Variants in TRPM2 observed in about 807,000 individuals in gnomAD.
The protein encoded by TRPM2 is estrogen-responsive element-associated gene 1 protein.
Under a neutral mutation model 174.0 loss-of-function variants are expected in TRPM2, and 161 were observed. The observed-to-expected ratio is 0.93, with a 90% CI of 0.81 to 1.05. The LOEUF is 1.05. Ranked by LOEUF, TRPM2 falls within the 50% of genes least tolerant of loss-of-function variation. The probability of loss-of-function intolerance (pLI) is 0.00; values close to 1 mark genes in which losing one functional copy is unlikely to be tolerated. For missense variants in TRPM2, 2,057 were observed against 2,038.0 expected (o/e 1.01, Z -0.18); for synonymous variants, 954 against 861.3 (o/e 1.11, Z -1.88).
chr21:44,422,461 G>A (rs1039975083), intron 22 of TRPM2: 12 of 1,532,426 alleles, frequency 7.8e-6, no homozygotes, highest in Non-Finnish European at 1.0e-5. Flanking sequence ...AAAATGAAAT[G>A]TGGGTGAAAG....
At chr21:44,364,370 G>A in intron 3 of TRPM2, 88 bp downstream of exon 3, 3 of 1,507,150 alleles carry the variant, frequency 2.0e-6, no homozygotes, top group South Asian at 1.2e-5. Flanking sequence ...CCTGGGGCAA[G>A]AGCAGGAGGC....
rs1490782129 is a variant in TRPM2 at position 44,354,629 on chromosome 21, G to C, written c.166-19G>C. 1 of 1,606,244 alleles carries C rather than the reference G, an allele frequency of 6.2e-7. No homozygotes were observed. The highest frequency in any genetic ancestry group is 2.2e-5 in the East Asian group (1 of 44,840). ...CTTTCGAATGTTGGAAGATCTCAGT[G>C]TGCTGTCTTTACCTTCAGCAAGAAA... On this transcript the variant is annotated intron_variant, in intron 1 of 31. Coordinates refer to ENST00000397928, the MANE Select transcript of TRPM2 (RefSeq NM_003307.4). The surrounding 1 kb of genome is among the most constrained non-coding windows in gnomAD (Gnocchi z 4.3).
rs2050743441 is a variant in TRPM2, at chr21:44,425,753, A to C, written c.3721A>C (p.Asn1241His). 1 of 1,594,586 alleles carries C rather than the reference A, an allele frequency of 6.3e-7. No individual in the cohort carries two copies. Among genetic ancestry groups the C allele is most frequent in the Non-Finnish European group, 8.6e-7 (1 of 1,169,144 alleles). ...TEEPGDSYHV[N>H]ARHLLYPNCP... ...GGAGCCGGGCGACAGCTACCACGTG[A>C]ATGCCCGGCACCTCCTCTACCCCAA... The change falls in exon 25 of 32, where the codon AAT becomes CAT. Residue 1241 changes from asparagine to histidine, a missense_variant. Physicochemically the swap from Asn to His is moderately conservative, Grantham distance 68. Transcript: ENST00000397928.
At chr21:44,402,626 C>T (rs2049660767) in intron 16 of TRPM2, among the ~76,000 whole-genome samples, 1 of 152,232 alleles carries the variant, frequency 6.6e-6, no homozygotes, top group Non-Finnish European at 1.5e-5. Context: ...GACCACCTGG[C>T]ATGGCCCAGG....
rs372512035 is a variant in TRPM2 at position 44,391,418 on chromosome 21, C to T, written c.1587C>T (p.Ser529=). The change falls in exon 11 of 32, where the codon TCC becomes TCT. Residue 529 remains serine, a synonymous_variant. Transcript: ENST00000397928. The surrounding 1 kb of genome is among the most constrained non-coding windows in gnomAD (Gnocchi z 5.0). The part of the protein sequence containing the change: ...LLYLYENLDP[S]CLFHSKLQKV... The stretch of plus-strand genomic sequence containing the variant: ...ACCTGTACGAGAACCTGGACCCCTC[C>T]TGCCTGTTCCACAGCAAGCTGCAGA... 9.9e-6 allele frequency: 16 copies of T among 1,613,962 alleles called. No individual in the cohort carries two copies. In the African/African-American group the frequency reaches 1.6e-4, roughly 16 times the overall value.
At chr21:44,356,993 C>T (rs1339892760) in intron 2 of TRPM2, among the ~76,000 whole-genome samples, 1 of 152,050 alleles carries the variant, frequency 6.6e-6, no homozygotes, top group Non-Finnish European at 1.5e-5. Context: ...CTTTCGTCGC[C>T]ATCTTGGTTT....
At position 44,411,372 on chromosome 21, in the gene TRPM2, G is replaced by A. The variant is rs1400887906; in HGVS notation, c.2963-2519G>A. On this transcript the variant is annotated intron_variant, in intron 19 of 31. Coordinates refer to ENST00000397928, the MANE Select transcript of TRPM2 (RefSeq NM_003307.4). ...TGTCCAAGCTATTATAAATAGAATT[G>A]TCCTATTGATTTCATTTCAAATTGT... Among the ~76,000 whole-genome samples, 3 of 152,012 alleles carry A rather than the reference G, an allele frequency of 2.0e-5. 1 individual carries two copies. The highest frequency in any genetic ancestry group is 6.3e-3 in the Middle Eastern group (2 of 316).
chr21:44,395,629 T>G, intron 12 of TRPM2, 78 bp downstream of exon 12: 1 of 1,587,372 alleles, frequency 6.3e-7, no homozygotes, highest in Non-Finnish European at 8.6e-7. Context: ...CTGGAGAGAG[T>G]GGCTGGAGAG....
chr21:44,394,599 G>A lies in TRPM2; in HGVS notation c.1795-815G>A, dbSNP rs566784840. Among the ~76,000 whole-genome samples the A allele has an allele frequency of 4.0e-5, 6 of 151,594 alleles. 1 individual carries two copies. The highest frequency in any genetic ancestry group is 7.3e-5 in the African/African-American group (3 of 41,342). On this transcript the variant is annotated intron_variant, in intron 11 of 31. Transcript: ENST00000397928. Reference sequence around the variant, plus strand: ...CTCCCAAATTGCTGGGATTACAGGCGTGAGCCACCGTGCCAGGCCGGGTAT... The same window carrying A: ...CTCCCAAATTGCTGGGATTACAGGCATGAGCCACCGTGCCAGGCCGGGTAT...
Position 44,359,757 on chromosome 21 carries a change from A to ATAT in TRPM2, c.255-4356_255-4355insATT, listed in dbSNP as rs373833142. Among the ~76,000 whole-genome samples the ATAT allele has an allele frequency of 9.4e-3, 1,390 of 148,108 alleles. 11 individuals carry two copies. The highest frequency in any genetic ancestry group is 0.036 in the South Asian group (168 of 4,694). On this transcript the variant is annotated intron_variant, in intron 2 of 31. Transcript: ENST00000397928. ...CACATATATATGTATATATATATAT[A>ATAT]TTTTTTTTGAGACGGAGTCTTGCTC...
intron 19 of TRPM2, among the ~76,000 whole-genome samples, chr21:44,408,399 T>C (rs2049976800): frequency 6.6e-6 from 1 of 152,082 alleles, no homozygotes; most frequent in South Asian, 2.1e-4. Flanking sequence ...CGTGCTGGGC[T>C]GTTTTCCAAA....
In TRPM2 at chr21:44,390,762, G is replaced by T. The variant is rs988260777; in HGVS notation, c.1319-142G>T. On this transcript the variant is annotated intron_variant, in intron 9 of 31. Coordinates refer to ENST00000397928, the MANE Select transcript of TRPM2 (RefSeq NM_003307.4). Reference sequence around the variant, plus strand: ...TTGCAAGGCTGTGTGTATGGGAGGAGGTCACTGGGTGCTGCGCCTGTCACT... The same window carrying T: ...TTGCAAGGCTGTGTGTATGGGAGGATGTCACTGGGTGCTGCGCCTGTCACT... 2.0e-5 allele frequency: 22 copies of T among 1,078,456 alleles called. No homozygotes were observed. The Admixed American group carries it at 4.5e-4, about 22-fold the overall frequency. The allele number at this position is 1,078,456 out of a possible 1,614,324, so 66.8% of individuals were successfully genotyped here.
rs2049849614 is a variant in TRPM2 at position 44,405,803 on chromosome 21, G to A, written c.2658-102G>A. The A allele has an allele frequency of 3.0e-5, 44 of 1,446,570 alleles. No individual in the cohort carries two copies. In the South Asian group the frequency reaches 5.7e-4, roughly 19 times the overall value. 89.6% of individuals were successfully genotyped at this position (1,446,570 alleles called of 1,614,324 possible). A position where few individuals can be genotyped will look rare whatever the true frequency, so the allele number is the denominator to read the frequency against. The stretch of plus-strand genomic sequence containing the variant: ...GGCCCACCAGAGCCCTTTGCCTCCA[G>A]GGCCCACCTGGGCTAGGACAGGTGG... On this transcript the variant is annotated intron_variant, in intron 17 of 31. Transcript: ENST00000397928.
In TRPM2 at chr21:44,364,298, T is replaced by G. The variant is rs771694756; in HGVS notation, c.423+16T>G. On this transcript the variant is annotated intron_variant, in intron 3 of 31. Transcript: ENST00000397928. ...GGTGAAAAAGGTTGGTTTCCATCAC[T>G]CTCGCTCTGAACTGTAGGTGGAGCT... 6 of 1,612,874 alleles carry G rather than the reference T, an allele frequency of 3.7e-6. No homozygotes were observed. In the South Asian group the frequency reaches 4.4e-5, roughly 12 times the overall value.
At chr21:44,426,940 T>A (rs8129542) in intron 26 of TRPM2, 70 bp from the exon 27 acceptor site, 224,056 of 1,469,654 alleles carry the variant, frequency 0.15, 28,489 homozygotes, top group African/African-American at 0.67. Context: ...GGGGGGGTGA[T>A]CCCTCTGCCT....
chr21:44,425,421 G>A (rs1006944837), intron 24 of TRPM2: 6 of 446,758 alleles, frequency 1.3e-5, no homozygotes, highest in Admixed American at 3.9e-5. Flanking sequence ...GCTCATTGCC[G>A]AGGGCCCTGA....
At chr21:44,412,969 G>A (rs1019875405) in intron 19 of TRPM2, among the ~76,000 whole-genome samples, 6 of 151,972 alleles carry the variant, frequency 3.9e-5, no homozygotes, top group African/African-American at 1.5e-4. Context: ...ATAAGTATAA[G>A]GAAAGAATGT....
intron 2 of TRPM2, among the ~76,000 whole-genome samples, chr21:44,361,259 T>C (rs897331148): frequency 1.3e-5 from 2 of 152,140 alleles, no homozygotes; most frequent in South Asian, 2.1e-4. Context: ...ACTACAGGCA[T>C]GCGCCACCAC....
intron 21 of TRPM2, 152 bp downstream of exon 21, chr21:44,418,260 G>T: frequency 7.3e-7 from 1 of 1,376,672 alleles, no homozygotes; most frequent in Non-Finnish European, 9.8e-7. Flanking sequence ...TGAGCAAGTG[G>T]TGGGGGCTGA....
Sources: gnomAD v4.1 joint callset for allele counts (sites outside exome capture counted in the v4.1 genomes callset) on GRCh38, gnomAD v4.1.1 for gene constraint, Gnocchi (gnomAD v3.1) non-coding constraint, MANE v1.5 for transcripts, NCBI Gene and HGNC (gene_info 2026-07-23, HGNC 2026-07-21) for gene names.